Variants in ZNF578 observed in about 807,000 individuals in gnomAD.
ZNF578 encodes Putative chemokine-related protein B42.
In ZNF578, 8 loss-of-function variants were observed where a neutral mutation model predicts 8.3. That is an observed-to-expected ratio of 0.96 (90% CI 0.56 to 1.74). The LOEUF (loss-of-function observed/expected upper bound fraction) is 1.74, where lower values mean the gene tolerates loss of function less well. Among genes scored for constraint, ZNF578 ranks in the 40% most tolerant of loss-of-function variants. ZNF578 has a pLI of 0.00. For synonymous variants in ZNF578, 206 were observed against 232.2 expected (o/e 0.89, Z 1.03); for missense variants, 726 against 707.5 (o/e 1.03, Z -0.30).
chr19:52,492,139 CAG>C (rs968677480), intron 3 of ZNF578, among the ~76,000 whole-genome samples: 3 of 118,398 alleles, frequency 2.5e-5, no homozygotes, highest in Non-Finnish European at 4.9e-5. Flanking sequence ...GCCTGGGCGA[CAG>C]AGAGAGATTC....
chr19:52,483,413 C>G (rs2059334109), intron 2 of ZNF578, among the ~76,000 whole-genome samples: 1 of 152,106 alleles, frequency 6.6e-6, no homozygotes, highest in African/African-American at 2.4e-5. Flanking sequence ...GAAACTCCGT[C>G]TCAAAAAATA....
rs530697490 is a variant in ZNF578 at position 52,506,887 on chromosome 19, T to G, written c.190+2106T>G. On this transcript the variant is annotated intron_variant, in intron 5 of 5. Transcript: ENST00000421239. ...TAAACTTCCTTTGTTTAATAAGATT[T>G]GTCGGCCTTTGGTGATGTTGATGAT... Among the ~76,000 whole-genome samples, 33 of 152,368 alleles carry G rather than the reference T, an allele frequency of 2.2e-4. No individual in the cohort carries two copies. The South Asian group carries it at 6.0e-3, about 28-fold the overall frequency.
intron 3 of ZNF578, among the ~76,000 whole-genome samples, chr19:52,494,063 T>G (rs1286991352): frequency 1.3e-5 from 2 of 148,712 alleles, no homozygotes; most frequent in African/African-American, 2.5e-5. Flanking sequence ...GAGGGAAGAA[T>G]GGAATAAATA....
At chr19:52,503,970 G>A (rs1487783656) in intron 4 of ZNF578, among the ~76,000 whole-genome samples, 1 of 151,570 alleles carries the variant, frequency 6.6e-6, no homozygotes, top group African/African-American at 2.4e-5. Flanking sequence ...GCTAATTTTT[G>A]TATTTTTATT....
intron 4 of ZNF578, among the ~76,000 whole-genome samples, chr19:52,502,614 G>C (rs1046622357): frequency 2.2e-4 from 33 of 152,270 alleles, no homozygotes; most frequent in Middle Eastern, 3.4e-3. Flanking sequence ...GTGCATGCCT[G>C]TAATCTCAGC....
At position 52,511,764 on chromosome 19, in the gene ZNF578, C is replaced by G. The variant is rs762021834; in HGVS notation, c.1383C>G (p.Asp461Glu). The change falls in exon 6 of 6, where the codon GAC becomes GAG. Residue 461 changes from aspartate (D) to glutamate (E), a missense_variant. Asp to Glu is a conservative substitution (Grantham distance 45). Transcript: ENST00000421239. Reference protein sequence around the residue: ...GEKSYKCEECDRVFSQKSNLE... With the variant: ...GEKSYKCEECERVFSQKSNLE... ...AATCTTACAAATGTGAAGAATGTGA[C>G]AGAGTTTTCAGTCAGAAATCAAACC... The G allele has an allele frequency of 3.7e-6, 6 of 1,612,990 alleles. No homozygotes were observed. Among genetic ancestry groups the G allele is most frequent in the East Asian group, 2.2e-5 (1 of 44,450 alleles).
intron 2 of ZNF578, among the ~76,000 whole-genome samples, chr19:52,483,675 A>C (rs1224825761): frequency 6.6e-6 from 1 of 152,176 alleles, no homozygotes; most frequent in Non-Finnish European, 1.5e-5. Context: ...TACACATTCT[A>C]TGTTTTATAT....
intron 2 of ZNF578, among the ~76,000 whole-genome samples, chr19:52,487,874 G>C (rs1383280389): frequency 6.6e-6 from 1 of 151,482 alleles, no homozygotes; most frequent in Non-Finnish European, 1.5e-5. Context: ...TGGGCTGAAA[G>C]GATCCTCCTG....
intron 3 of ZNF578, among the ~76,000 whole-genome samples, chr19:52,499,387 A>G (rs1252562231): frequency 1.3e-5 from 2 of 152,134 alleles, no homozygotes; most frequent in African/African-American, 4.8e-5. Context: ...TGCAGGCCTC[A>G]ACCCTGAGCT....
In ZNF578 at chr19:52,513,759, G is replaced by A. The variant is rs1385077471; in HGVS notation, c.*1605G>A. 4.0e-5 allele frequency among the ~76,000 whole-genome samples: 6 copies of A among 149,222 alleles called. No individual in the cohort carries two copies. The South Asian group carries it at 6.4e-4, about 16-fold the overall frequency. On this transcript the variant is annotated 3_prime_UTR_variant, in exon 6 of 6. Transcript: ENST00000421239. The stretch of plus-strand genomic sequence containing the variant: ...AAAAAAAAAAAAAGATATCAAACCC[G>A]GGGTGTCTCATCCCACAGCACTTTG...
chr19:52,502,572 AC>A (rs1306050774), intron 4 of ZNF578, among the ~76,000 whole-genome samples: 1 of 144,892 alleles, frequency 6.9e-6, no homozygotes. Context: ...CCCCATCTCT[AC>A]TAAAAATACA....
At chr19:52,497,703 A>G (rs2059391894) in intron 3 of ZNF578, among the ~76,000 whole-genome samples, 1 of 152,228 alleles carries the variant, frequency 6.6e-6, no homozygotes, top group African/African-American at 2.4e-5. Context: ...TATGTGATAT[A>G]TGATGTTAGG....
chr19:52,507,477 T>C (rs2059429415), intron 5 of ZNF578, among the ~76,000 whole-genome samples: 1 of 151,526 alleles, frequency 6.6e-6, no homozygotes, highest in Non-Finnish European at 1.5e-5. Context: ...AGACTCTCTT[T>C]AGGTAGGAGA....
At chr19:52,458,673 C>A (rs546660882) in intron 2 of ZNF578, 1 of 151,586 alleles carries the variant, frequency 6.6e-6, no homozygotes, top group African/African-American at 2.4e-5. Context: ...GCCCTGATGT[C>A]TTTTATTTCA....
In ZNF578 at chr19:52,510,525, T is replaced by C. The variant is rs1451077118; in HGVS notation, c.191-47T>C. 2.7e-6 allele frequency: 4 copies of C among 1,485,488 alleles called. No homozygotes were observed. In the Admixed American group the frequency reaches 9.6e-5, roughly 36 times the overall value. The allele number at this position is 1,485,488 out of a possible 1,614,324, so 92.0% of individuals were successfully genotyped here. ...CATATTTACACACTTCAGTATGATTTACCATCTGCACTTAATTGCAAACGT... is the reference window on the plus strand; with the variant it reads ...CATATTTACACACTTCAGTATGATTCACCATCTGCACTTAATTGCAAACGT... On this transcript the variant is annotated intron_variant, in intron 5 of 5. Transcript: ENST00000421239.
intron 3 of ZNF578, among the ~76,000 whole-genome samples, chr19:52,491,859 G>A (rs2059366120): frequency 6.6e-6 from 1 of 151,882 alleles, no homozygotes; most frequent in African/African-American, 2.4e-5. Context: ...TTTAAAAACG[G>A]TAAAACAAAC....
At chr19:52,489,098 G>A (rs1229105216) in intron 2 of ZNF578, among the ~76,000 whole-genome samples, 8 of 151,344 alleles carry the variant, frequency 5.3e-5, no homozygotes, top group South Asian at 4.2e-4. Context: ...GACTCCGTCT[G>A]CCCCCCCTAA....
intron 4 of ZNF578, among the ~76,000 whole-genome samples, chr19:52,504,118 T>C (rs1269831223): frequency 6.7e-6 from 1 of 149,302 alleles, no homozygotes; most frequent in African/African-American, 2.5e-5. Flanking sequence ...TAACATGGAG[T>C]GTCAGTCTGT....
Position 52,510,796 on chromosome 19 carries a change from A to T in ZNF578, c.415A>T (p.Thr139Ser). The change falls in exon 6 of 6, where the codon ACA becomes TCA. Residue 139 changes from threonine to serine, a missense_variant. Thr to Ser is a moderately conservative substitution (Grantham distance 58). Coordinates refer to ENST00000421239, the MANE Select transcript of ZNF578 (RefSeq NM_001099694.2). ...AAAAATCAAAGAGTTGATGGGTAGC[A>T]CAGACCGACATGATCAAAGGCATGC... ...MPKIKELMGS[T>S]DRHDQRHAGN... 6.2e-7 allele frequency: 1 copy of T among 1,614,180 alleles called. No homozygotes were observed.
Sources: allele counts gnomAD v4.1 joint callset (sites outside exome capture counted in the v4.1 genomes callset), GRCh38; gene constraint gnomAD v4.1.1; transcripts MANE v1.5; gene names NCBI Gene and HGNC (gene_info 2026-07-23, HGNC 2026-07-21).